DPYD: variants seen among roughly 807,000 people sequenced by gnomAD.
DPYD encodes the protein dihydropyrimidine dehydrogenase [NADP(+)].
Under a neutral mutation model 116.2 loss-of-function variants are expected in DPYD, and 109 were observed. The observed-to-expected ratio is 0.94, with a 90% CI of 0.80 to 1.10. The LOEUF (loss-of-function observed/expected upper bound fraction) is 1.10. Among genes scored for constraint, DPYD ranks in the 50% least tolerant of loss-of-function variants. The probability of loss-of-function intolerance (pLI) is 0.00; values close to 1 mark genes in which losing one functional copy is unlikely to be tolerated. For synonymous variants in DPYD, 440 were observed against 432.0 expected (o/e 1.02, Z -0.23); for missense variants, 1,302 against 1,254.5 (o/e 1.04, Z -0.57).
At chr1:97,450,291 C>T in intron 13 of DPYD, 68 bp from the exon 14 acceptor site, 3 of 1,550,872 alleles carry the variant, frequency 1.9e-6, no homozygotes, top group Non-Finnish European at 2.6e-6. Flanking sequence ...ATTATCTGCT[C>T]ATTTCCATAT....
Position 97,880,352 on chromosome 1 carries a change from T to C in DPYD, c.150+2912A>G, listed in dbSNP as rs1235724842. On this transcript the variant is annotated intron_variant, in intron 2 of 22. Transcript: ENST00000370192. ...GCTAGTGGGGATAAAAGTTCCAGCATCCTACTTGGGTCTTTATGAATTGAA... is the reference window on the plus strand; with the variant it reads ...GCTAGTGGGGATAAAAGTTCCAGCACCCTACTTGGGTCTTTATGAATTGAA... 2.0e-5 allele frequency among the ~76,000 whole-genome samples: 3 copies of C among 151,978 alleles called. No homozygotes were observed. In the South Asian group the frequency reaches 6.2e-4, roughly 32 times the overall value.
chr1:97,271,872 C>T (rs148122325), intron 18 of DPYD, among the ~76,000 whole-genome samples: 1 of 152,242 alleles, frequency 6.6e-6, no homozygotes, highest in East Asian at 1.9e-4. Context: ...CTGTTCTTCT[C>T]CCTGAAGTAT....
At chr1:97,430,592 A>AG (rs1675119988) in intron 14 of DPYD, among the ~76,000 whole-genome samples, 1 of 190 alleles carries the variant, frequency 5.3e-3, no homozygotes, top group Admixed American at 0.021. Flanking sequence ...CAGTCTTGGG[A>AG]AAAAAAAAAA....
intron 2 of DPYD, among the ~76,000 whole-genome samples, chr1:97,858,361 A>C (rs556510139): frequency 6.6e-5 from 10 of 152,318 alleles, no homozygotes; most frequent in African/African-American, 2.4e-4. Flanking sequence ...TGTCTTCAAA[A>C]TTATGATTTT....
intron 14 of DPYD, among the ~76,000 whole-genome samples, chr1:97,395,955 C>G (rs771886608): frequency 6.6e-6 from 1 of 151,976 alleles, no homozygotes; most frequent in Non-Finnish European, 1.5e-5. Context: ...TGGCATAAGA[C>G]CAAGTGAGGC....
chr1:97,242,341 T>A (rs971867777), intron 18 of DPYD, among the ~76,000 whole-genome samples: 2 of 150,824 alleles, frequency 1.3e-5, no homozygotes, highest in Non-Finnish European at 3.0e-5. Context: ...AGATATGATA[T>A]TCCAGAAAAC....
chr1:97,883,368 G>C lies in DPYD; in HGVS notation c.46C>G (p.Leu16Val), dbSNP rs150036960. Residue 16 changes from leucine to valine, a missense_variant, in exon 2 of 23, where the codon CTG (leucine) becomes GTG (valine). Leu to Val is a conservative substitution (Grantham distance 32). Transcript: ENST00000370192. ...SKDSADIESI[L>V]ALNPRTQTHA... ...GTTTGTGTTCGAGGATTTAAAGCCA[G>C]GATACTCTAAAGACAGCATAAACAA... is the stretch of plus-strand genomic sequence containing the variant. 6.2e-7 allele frequency: 1 copy of C among 1,603,358 alleles called. No individual in the cohort carries two copies.
chr1:97,630,866 G>A (rs1657217687), intron 8 of DPYD, among the ~76,000 whole-genome samples: 1 of 152,010 alleles, frequency 6.6e-6, no homozygotes, highest in African/African-American at 2.4e-5. Context: ...GAATTATAGT[G>A]GTAACACAAC....
At chr1:97,610,542 C>T (rs527716855) in intron 8 of DPYD, among the ~76,000 whole-genome samples, 1 of 152,062 alleles carries the variant, frequency 6.6e-6, no homozygotes, top group Non-Finnish European at 1.5e-5. Context: ...CATTCCTCCT[C>T]ATTTACCCTC....
At chr1:97,266,921 G>T (rs777677090) in intron 18 of DPYD, among the ~76,000 whole-genome samples, 6 of 152,056 alleles carry the variant, frequency 3.9e-5, no homozygotes, top group Non-Finnish European at 8.8e-5. Context: ...TCTTAATCCA[G>T]TCTATCATTG....
chr1:97,632,501 A>G (rs1369279776), intron 8 of DPYD, among the ~76,000 whole-genome samples: 6 of 152,182 alleles, frequency 3.9e-5, no homozygotes, highest in Non-Finnish European at 2.9e-5. Context: ...AAACCTGGAC[A>G]TGAATGAGAG....
At chr1:97,348,473 C>A (rs776715779) in intron 16 of DPYD, among the ~76,000 whole-genome samples, 1 of 152,094 alleles carries the variant, frequency 6.6e-6, no homozygotes, top group Non-Finnish European at 1.5e-5. Flanking sequence ...AACCAATTTC[C>A]GTAAATAAGG....
chr1:97,227,682 A>T (rs1456141670), intron 19 of DPYD, among the ~76,000 whole-genome samples: 2 of 146,344 alleles, frequency 1.4e-5, no homozygotes, highest in African/African-American at 2.8e-5. Flanking sequence ...AGTGAAGAAG[A>T]ACCCATATAA....
chr1:97,527,794 GAAAAA>G (rs35111926), intron 12 of DPYD, among the ~76,000 whole-genome samples: 4 of 112,770 alleles, frequency 3.5e-5, no homozygotes, highest in East Asian at 2.6e-4. Flanking sequence ...ATGAAATTTG[GAAAAA>G]AAAAAAAAAA....
At chr1:97,581,059 C>T (rs561782845) in intron 10 of DPYD, among the ~76,000 whole-genome samples, 1 of 151,886 alleles carries the variant, frequency 6.6e-6, no homozygotes, top group South Asian at 2.1e-4. Flanking sequence ...TAAAATTTGG[C>T]CTTTGGGAGG....
In DPYD at chr1:97,345,885, T is replaced by C. The variant is rs80133170; in HGVS notation, c.2058+27676A>G. On this transcript the variant is annotated intron_variant, in intron 16 of 22. Transcript: ENST00000370192. The stretch of plus-strand genomic sequence containing the variant: ...AAACAATATTTACACTTGGGTCATA[T>C]TATTTTAATGATTTTTTTTACAAGA... Among the ~76,000 whole-genome samples the C allele has an allele frequency of 6.9e-3, 1,047 of 152,056 alleles. 14 individuals carry two copies. The highest frequency in any genetic ancestry group is 0.024 in the African/African-American group (997 of 41,528).
chr1:97,438,376 G>A (rs1675582811), intron 14 of DPYD, among the ~76,000 whole-genome samples: 1 of 151,936 alleles, frequency 6.6e-6, no homozygotes, highest in South Asian at 2.1e-4. Context: ...CATTTATTAG[G>A]TTGTCTTTAA....
intron 16 of DPYD, among the ~76,000 whole-genome samples, chr1:97,318,211 A>G (rs1319719211): frequency 6.9e-6 from 1 of 144,584 alleles, no homozygotes; most frequent in African/African-American, 2.5e-5. Context: ...TAATGACAGG[A>G]TCAAATTCAC....
chr1:97,149,319 T>C (rs1190644246), intron 20 of DPYD, among the ~76,000 whole-genome samples: 2 of 152,232 alleles, frequency 1.3e-5, no homozygotes, highest in Non-Finnish European at 2.9e-5. Flanking sequence ...TGGCATGATC[T>C]TGGCTCACTG....
Sources: allele counts gnomAD v4.1 joint callset (sites outside exome capture counted in the v4.1 genomes callset), GRCh38; gene constraint gnomAD v4.1.1; transcripts MANE v1.5; gene names NCBI Gene and HGNC (gene_info 2026-07-23, HGNC 2026-07-21).